Variants in COL24A1 observed in about 807,000 individuals in gnomAD.
The protein encoded by COL24A1 is collagen alpha-1(XXIV) chain.
Under a neutral mutation model 253.9 loss-of-function variants are expected in COL24A1, and 224 were observed. The ratio of observed to expected loss-of-function variants is 0.88; its 90% CI spans 0.79 to 0.99. The LOEUF is 0.99. Ranked by LOEUF, COL24A1 falls within the 50% of genes least tolerant of loss-of-function variation. COL24A1 has a pLI of 0.00. For missense variants in COL24A1, 2,131 were observed against 2,068.5 expected, an observed-to-expected ratio of 1.03 and a Z score of -0.59; for synonymous variants, 685 against 673.7, an observed-to-expected ratio of 1.02 and a Z score of -0.26.
intron 20 of COL24A1, among the ~76,000 whole-genome samples, chr1:85,981,386 TG>T (rs1294930855): frequency 6.6e-6 from 1 of 151,980 alleles, no homozygotes; most frequent in African/African-American, 2.4e-5. Context: ...AAACATAAAG[TG>T]GGGAAAGAAA....
intron 19 of COL24A1, among the ~76,000 whole-genome samples, chr1:86,009,026 A>G (rs761477877): frequency 5.3e-5 from 8 of 152,224 alleles, no homozygotes; most frequent in Non-Finnish European, 1.0e-4. Context: ...CAACATCATA[A>G]ATATCCCAGG....
chr1:85,863,974 A>G (rs1679475997), intron 37 of COL24A1, among the ~76,000 whole-genome samples: 1 of 152,224 alleles, frequency 6.6e-6, no homozygotes, highest in Non-Finnish European at 1.5e-5. Flanking sequence ...TAGTTCAACA[A>G]TTGTGGAAAT....
chr1:85,787,738 T>A (rs1209969074), intron 47 of COL24A1, among the ~76,000 whole-genome samples: 3 of 152,182 alleles, frequency 2.0e-5, no homozygotes, highest in Admixed American at 6.5e-5. Context: ...AGTAATGGGA[T>A]TACTGGGTAA....
chr1:86,104,387 A>G (rs988514002), intron 5 of COL24A1, among the ~76,000 whole-genome samples: 1 of 152,136 alleles, frequency 6.6e-6, no homozygotes, highest in Admixed American at 6.6e-5. Context: ...CATTTCAGCC[A>G]TCTCAGCCCA....
rs1344709491 is a variant in COL24A1, at chr1:85,767,573, A to G, written c.4375-6007T>C. Among the ~76,000 whole-genome samples, 6 of 152,214 alleles carry G rather than the reference A, an allele frequency of 3.9e-5. No individual in the cohort carries two copies. In the South Asian group the frequency reaches 8.3e-4, roughly 21 times the overall value. ...AAGGAAAAGAAGTGATTAAAAAGGTATTTAGTATCAGTTATCAGTTACTCA... is the reference window on the plus strand; with the variant it reads ...AAGGAAAAGAAGTGATTAAAAAGGTGTTTAGTATCAGTTATCAGTTACTCA... On this transcript the variant is annotated intron_variant, in intron 53 of 59. Coordinates refer to ENST00000370571, the MANE Select transcript of COL24A1 (RefSeq NM_152890.7).
At chr1:85,783,592 T>C (rs1365444977) in intron 50 of COL24A1, 34 bp from the exon 51 acceptor site, 4 of 1,583,364 alleles carry the variant, frequency 2.5e-6, no homozygotes, top group South Asian at 1.1e-5. Context: ...AAGATAAAAT[T>C]TGTAGCTCTA....
intron 20 of COL24A1, 95 bp downstream of exon 20, chr1:85,987,505 TG>T: frequency 9.4e-7 from 1 of 1,061,422 alleles, no homozygotes; most frequent in Non-Finnish European, 1.4e-6. Context: ...TATCCAGAAA[TG>T]TTCTGATATT....
At position 85,786,371 on chromosome 1, in the gene COL24A1, C is replaced by A. The variant is rs774744536; in HGVS notation, c.4042G>T (p.Gly1348Ter). The stretch of plus-strand genomic sequence containing the variant: ...TAAAGTACCTTTGGGCCTTGAATTC[C>A]TGGGCTTCCTGGCAAGCCTGATGAA... ...KGSSGLPGSP[G>*]IQGPKGEQGL... is the part of the protein sequence containing the mutation. The change falls in exon 48 of 60, where the codon GGA becomes TGA. Residue 1348 changes from glycine (G) to a stop codon, truncating the protein, a stop_gained. Transcript: ENST00000370571. LOFTEE classifies it high-confidence loss of function. 1 of 1,613,702 alleles carries A rather than the reference C, an allele frequency of 6.2e-7. No individual in the cohort carries two copies. Among genetic ancestry groups the A allele is most frequent in the Non-Finnish European group, 8.5e-7 (1 of 1,179,742 alleles).
At chr1:86,114,067 A>C (rs1285384739) in intron 4 of COL24A1, among the ~76,000 whole-genome samples, 1 of 152,142 alleles carries the variant, frequency 6.6e-6, no homozygotes, top group African/African-American at 2.4e-5. Context: ...TTTAGGAAAA[A>C]TTAATATCAA....
At chr1:85,811,896 A>C (rs1047349252) in intron 47 of COL24A1, among the ~76,000 whole-genome samples, 6 of 152,218 alleles carry the variant, frequency 3.9e-5, no homozygotes, top group Non-Finnish European at 8.8e-5. Flanking sequence ...AGAAACTCTA[A>C]TTATATCAGA....
chr1:85,869,112 A>C (rs932728288), intron 35 of COL24A1, among the ~76,000 whole-genome samples: 3 of 152,136 alleles, frequency 2.0e-5, no homozygotes, highest in Non-Finnish European at 4.4e-5. Context: ...ATATATATCC[A>C]TTTGGTAGCT....
At chr1:85,791,358 C>T (rs1411482260) in intron 47 of COL24A1, among the ~76,000 whole-genome samples, 1 of 152,040 alleles carries the variant, frequency 6.6e-6, no homozygotes, top group Non-Finnish European at 1.5e-5. Context: ...AAAAAAAACA[C>T]TAAATCAGTA....
At chr1:86,002,123 C>T (rs1464110617) in intron 19 of COL24A1, among the ~76,000 whole-genome samples, 1 of 152,198 alleles carries the variant, frequency 6.6e-6, no homozygotes, top group Non-Finnish European at 1.5e-5. Flanking sequence ...GCATAAAAGG[C>T]AGAGATATTC....
At chr1:85,766,387 A>AAAAG (rs1156668554) in intron 53 of COL24A1, among the ~76,000 whole-genome samples, 1 of 59,158 alleles carries the variant, frequency 1.7e-5, no homozygotes, top group African/African-American at 5.2e-5. Flanking sequence ...AAAAAAAAAA[A>AAAAG]AAAGAAAGAA....
intron 58 of COL24A1, among the ~76,000 whole-genome samples, chr1:85,735,337 T>C (rs996977621): frequency 5.3e-5 from 8 of 152,216 alleles, no homozygotes; most frequent in Non-Finnish European, 1.2e-4. Flanking sequence ...ATAATATCAA[T>C]AAAATAAAGA....
Position 85,816,694 on chromosome 1 carries a change from G to A in COL24A1, c.3951+94C>T, listed in dbSNP as rs933005465. 17 of 1,051,910 alleles carry A rather than the reference G, an allele frequency of 1.6e-5. No homozygotes were observed. In the Admixed American group the frequency reaches 2.1e-4, roughly 13 times the overall value. 65.2% of individuals were successfully genotyped at this position (1,051,910 alleles called of 1,614,324 possible). A position where few individuals can be genotyped will look rare whatever the true frequency, so the allele number is the denominator to read the frequency against. On this transcript the variant is annotated intron_variant, in intron 47 of 59. Transcript: ENST00000370571. ...ATGAACTGGCTTAATCTGAGCCAAT[G>A]CCAAAGCTAAAATAGATAGCCAAAA...
chr1:86,156,266 C>G (rs975756505), intron 1 of COL24A1, 75 bp downstream of exon 1: 18 of 1,433,006 alleles, frequency 1.3e-5, no homozygotes, highest in Non-Finnish European at 1.5e-5. Context: ...AGATCTCCAT[C>G]AGGCTCAGCA....
intron 13 of COL24A1, among the ~76,000 whole-genome samples, chr1:86,033,366 C>CA (rs1369942794): frequency 6.6e-6 from 1 of 151,844 alleles, no homozygotes; most frequent in Non-Finnish European, 1.5e-5. Flanking sequence ...TACCTAGCGC[C>CA]AAAAAATAGC....
chr1:85,909,008 T>C (rs1272969295), intron 26 of COL24A1, among the ~76,000 whole-genome samples: 1 of 151,790 alleles, frequency 6.6e-6, no homozygotes, highest in East Asian at 1.9e-4. Flanking sequence ...TGTTGTGTTA[T>C]ATAGGTTATG....
Sources: gnomAD v4.1 joint callset for allele counts (sites outside exome capture counted in the v4.1 genomes callset) on GRCh38, gnomAD v4.1.1 for gene constraint, MANE v1.5 for transcripts, NCBI Gene and HGNC (gene_info 2026-07-23, HGNC 2026-07-21) for gene names.